The following LPGAT1 variants were observed in gnomAD, a reference collection of about 807,000 sequenced individuals.
LPGAT1 encodes the protein lysophosphatidylglycerol acyltransferase 1.
LPGAT1 carries 11 observed loss-of-function variants against 47.5 expected under a neutral mutation model. The ratio of observed to expected loss-of-function variants is 0.23; its 90% confidence interval spans 0.15 to 0.38. LPGAT1 has a LOEUF of 0.38. LPGAT1 is among the 10% of genes least tolerant of loss of function. The pLI is 1.00. For missense variants in LPGAT1, 293 were observed against 439.0 expected, an observed-to-expected ratio of 0.67 and a Z score of 2.97; for synonymous variants, 138 against 144.2, an observed-to-expected ratio of 0.96 and a Z score of 0.31.
chr1:211,804,087 T>C (rs1425306291), intron 2 of LPGAT1, among the ~76,000 whole-genome samples: 2 of 152,074 alleles, frequency 1.3e-5, no homozygotes, highest in Non-Finnish European at 2.9e-5. Flanking sequence ...TTATTTTTAT[T>C]TTTGAGGTTG....
At chr1:211,806,710 T>C (rs1659776967) in intron 2 of LPGAT1, among the ~76,000 whole-genome samples, 2 of 152,180 alleles carry the variant, frequency 1.3e-5, no homozygotes, top group Non-Finnish European at 2.9e-5. Context: ...CATGATCATA[T>C]GAATTGACGC....
intron 6 of LPGAT1, among the ~76,000 whole-genome samples, chr1:211,751,522 C>T (rs1036278168): frequency 2.0e-5 from 3 of 152,048 alleles, no homozygotes; most frequent in African/African-American, 4.8e-5. Context: ...CTGCCCAAAT[C>T]GGTAATATCA....
chr1:211,783,407 T>G lies in LPGAT1; in HGVS notation c.549A>C (p.Pro183=), dbSNP rs1658721270. ...GCCTCTTCCTGAGGAAGCCCCCTTC[T>G]GGAAACAAAACAATCCATTTTCGAT... ...SRDRKWIVLF[P]EGGFLRKRRE... is the part of the protein sequence containing the mutation. Residue 183 remains proline, a synonymous_variant, in exon 5 of 8, where the codon CCA becomes CCC. Transcript: ENST00000366997. 1.2e-6 allele frequency: 2 copies of G among 1,614,178 alleles called. No individual in the cohort carries two copies. Among genetic ancestry groups the G allele is most frequent in the Non-Finnish European group, 1.7e-6 (2 of 1,180,024 alleles).
chr1:211,817,621 T>C (rs1475457445), intron 2 of LPGAT1, among the ~76,000 whole-genome samples: 2 of 151,966 alleles, frequency 1.3e-5, no homozygotes, highest in African/African-American at 2.4e-5. Flanking sequence ...TTTTAGATAA[T>C]TATATTCTTA....
intron 2 of LPGAT1, among the ~76,000 whole-genome samples, chr1:211,802,047 C>G (rs1401221487): frequency 1.5e-4 from 22 of 146,228 alleles, no homozygotes; most frequent in Non-Finnish European, 3.1e-4. Context: ...AAGATTGCAC[C>G]ACTGTATTAC....
At chr1:211,753,558 T>C (rs1657301276) in intron 6 of LPGAT1, among the ~76,000 whole-genome samples, 1 of 152,174 alleles carries the variant, frequency 6.6e-6, no homozygotes, top group South Asian at 2.1e-4. Flanking sequence ...TTTTTTATAG[T>C]ATGCTATTAT....
chr1:211,772,825 C>G (rs1284538301), intron 6 of LPGAT1, among the ~76,000 whole-genome samples: 1 of 151,928 alleles, frequency 6.6e-6, no homozygotes, highest in African/African-American at 2.4e-5. Context: ...AATCACAGCC[C>G]CTAAAATGTA....
chr1:211,828,272 G>GA (rs1354350439), intron 2 of LPGAT1, among the ~76,000 whole-genome samples: 1 of 152,074 alleles, frequency 6.6e-6, no homozygotes, highest in Non-Finnish European at 1.5e-5. Flanking sequence ...ATTCTTAAGG[G>GA]AAAAAAATCA....
chr1:211,774,130 G>GTTTTTTTTTT (rs1158580879), intron 6 of LPGAT1, among the ~76,000 whole-genome samples: 5 of 14,662 alleles, frequency 3.4e-4, no homozygotes, highest in Admixed American at 1.7e-3. Context: ...TTTTTTAAAA[G>GTTTTTTTTTT]TCTTTTTTTT....
chr1:211,781,318 T>G (rs544160438), intron 5 of LPGAT1, among the ~76,000 whole-genome samples: 244 of 152,290 alleles, frequency 1.6e-3, no homozygotes, highest in Non-Finnish European at 2.4e-3. Flanking sequence ...TGCCCCTACA[T>G]TTGAGATCTA....
chr1:211,815,715 C>T (rs1346482968), intron 2 of LPGAT1, among the ~76,000 whole-genome samples: 2 of 151,974 alleles, frequency 1.3e-5, no homozygotes, highest in East Asian at 3.8e-4. Context: ...CCCCCTCACT[C>T]CCTCCCTGCT....
rs34412911 is a variant in LPGAT1, at chr1:211,765,690, A to G, written c.854+13228T>C. Among the ~76,000 whole-genome samples the G allele has an allele frequency of 4.9e-3, 740 of 152,342 alleles. 3 individuals are homozygous for G. Among genetic ancestry groups the G allele is most frequent in the Middle Eastern group, 0.01 (3 of 294 alleles). On this transcript the variant is annotated intron_variant, in intron 6 of 7. Transcript: ENST00000366997. ...ATTTCCAGTTACTTACCAAATTATA[A>G]TATTTTCAAGATCATATTATATCCA... is the stretch of plus-strand genomic sequence containing the variant.
At chr1:211,750,116 G>A in intron 7 of LPGAT1, 66 bp from the exon 8 acceptor site, 1 of 1,382,796 alleles carries the variant, frequency 7.2e-7, no homozygotes, top group Non-Finnish European at 1.0e-6. Context: ...AATAAAAGTT[G>A]AATATTAGCT....
chr1:211,758,695 T>G (rs1023028529), intron 6 of LPGAT1, among the ~76,000 whole-genome samples: 1 of 151,892 alleles, frequency 6.6e-6, no homozygotes, highest in African/African-American at 2.4e-5. Flanking sequence ...AGAGTGAGAC[T>G]CCGTCTCAGA....
intron 3 of LPGAT1, chr1:211,792,000 C>T (rs1314012738): frequency 6.6e-6 from 1 of 151,292 alleles, no homozygotes; most frequent in Admixed American, 6.6e-5. Flanking sequence ...ACCTCTTTAA[C>T]TTCTAAGGTG....
intron 4 of LPGAT1, among the ~76,000 whole-genome samples, chr1:211,785,598 A>C (rs1658842922): frequency 6.6e-6 from 1 of 151,336 alleles, no homozygotes; most frequent in Non-Finnish European, 1.5e-5. Context: ...ATAATCTAGT[A>C]TAATTTAGCC....
intron 6 of LPGAT1, among the ~76,000 whole-genome samples, chr1:211,765,955 C>T (rs568738788): frequency 2.0e-5 from 3 of 152,142 alleles, no homozygotes; most frequent in African/African-American, 7.2e-5. Context: ...GGGAAGGCAA[C>T]ATTTAATCCA....
intron 5 of LPGAT1, among the ~76,000 whole-genome samples, chr1:211,779,897 G>T (rs1389364052): frequency 6.6e-6 from 1 of 150,968 alleles, no homozygotes. Context: ...TAAAAAATTG[G>T]CTGGGTGCAG....
At chr1:211,816,742 T>C (rs1464110945) in intron 2 of LPGAT1, among the ~76,000 whole-genome samples, 3 of 152,188 alleles carry the variant, frequency 2.0e-5, no homozygotes, top group African/African-American at 7.2e-5. Flanking sequence ...ACATTCAAGT[T>C]TCATAACCTC....
Sources: gnomAD v4.1 joint callset for allele counts (sites outside exome capture counted in the v4.1 genomes callset) on GRCh38, gnomAD v4.1.1 for gene constraint, MANE v1.5 for transcripts, NCBI Gene and HGNC (gene_info 2026-07-23, HGNC 2026-07-21) for gene names.